The following CASD1 variants were observed in gnomAD, a reference collection of about 807,000 sequenced individuals.
CASD1 encodes CAS1 domain sialic acid O acetyltransferase 1.
CASD1 carries 41 observed loss-of-function variants against 100.0 expected under a neutral mutation model. The observed-to-expected ratio is 0.41, with a 90% CI of 0.32 to 0.53. CASD1 has a LOEUF of 0.53. Among genes scored for constraint, CASD1 ranks in the 20% least tolerant of loss-of-function variants. The pLI, the probability that CASD1 is intolerant of heterozygous loss-of-function variation, is 0.25. For synonymous variants in CASD1, 321 were observed against 315.6 expected (o/e 1.02, Z -0.18); for missense variants, 774 against 948.7 (o/e 0.82, Z 2.42).
chr7:94,598,607 G>T, the CASD1 span: 1 of 651,732 alleles, frequency 1.5e-6, no homozygotes, highest in South Asian at 1.8e-5. Flanking sequence ...AAAAGTAATT[G>T]TATTGTATAT....
the CASD1 span, chr7:94,630,002 A>C: frequency 7.8e-6 from 6 of 769,490 alleles, no homozygotes; most frequent in East Asian, 8.5e-5. Context: ...ATTTGTTTTA[A>C]ATGGAAGTGA....
intron 1 of CASD1, among the ~76,000 whole-genome samples, chr7:94,516,727 G>T (rs1252189391): frequency 6.6e-6 from 1 of 151,482 alleles, no homozygotes; most frequent in African/African-American, 2.4e-5. Flanking sequence ...CTAATGTACA[G>T]TAAAATATCC....
the CASD1 span, among the ~76,000 whole-genome samples, chr7:94,564,497 G>A: frequency 6.6e-6 from 1 of 152,192 alleles, no homozygotes; most frequent in African/African-American, 2.4e-5. Flanking sequence ...CATCCTCTAT[G>A]ATAGCTCTTG....
chr7:94,632,646 A>C, the CASD1 span, among the ~76,000 whole-genome samples: 13 of 152,200 alleles, frequency 8.5e-5, no homozygotes, highest in Admixed American at 6.6e-4. Flanking sequence ...TAAAAATAAT[A>C]CTTCCTTTCT....
chr7:94,552,261 A>T (rs1795986164), intron 15 of CASD1, 89 bp from the exon 16 acceptor site: 2 of 853,536 alleles, frequency 2.3e-6, no homozygotes, highest in Admixed American at 4.8e-5. Context: ...TAATGTTATA[A>T]ATAAAGAACT....
At chr7:94,563,672 C>T in the CASD1 span, among the ~76,000 whole-genome samples, 57 of 151,942 alleles carry the variant, frequency 3.8e-4, no homozygotes, top group Non-Finnish European at 5.1e-4. Flanking sequence ...CATTTAGCCC[C>T]CCTCCCCCAC....
At chr7:94,601,442 T>TAAAAAAA in the CASD1 span, among the ~76,000 whole-genome samples, 1 of 34,430 alleles carries the variant, frequency 2.9e-5, no homozygotes, top group Non-Finnish European at 4.3e-5. Flanking sequence ...TATCCCAGTA[T>TAAAAAAA]CAAAAAAAAA....
In CASD1 at chr7:94,528,245, A is replaced by T. The variant is rs766251640; in HGVS notation, c.454A>T (p.Thr152Ser). Residue 152 changes from threonine to serine, a missense_variant, in exon 5 of 18, where the codon ACT becomes TCT. By Grantham distance (58) the Thr-to-Ser change is moderately conservative (BLOSUM62 1). Around this residue, in one of 5 missense-constraint regions of CASD1, gnomAD observed 453 missense variants for 532.6 expected, o/e 0.85. Transcript: ENST00000297273. ...GSMKQCIKVW[T>S]EDSIAKPHVI... ...TATGAAACAGTGTATCAAAGTGTGG[A>T]CTGAGGTCTGTATTTAAAAAACATA... The T allele has an allele frequency of 4.4e-6, 7 of 1,586,380 alleles. No individual in the cohort carries two copies. The South Asian group carries it at 8.2e-5, about 18-fold the overall frequency.
chr7:94,600,624 T>G, the CASD1 span: 1 of 1,545,140 alleles, frequency 6.5e-7, no homozygotes, highest in Non-Finnish European at 8.9e-7. Flanking sequence ...TCTAATTATC[T>G]TATTAGTTTT....
intron 1 of CASD1, among the ~76,000 whole-genome samples, chr7:94,512,710 T>G (rs572681236): frequency 6.4e-4 from 97 of 152,366 alleles, no homozygotes; most frequent in African/African-American, 2.2e-3. Context: ...TTTTAACATC[T>G]TTGTAATCAG....
the CASD1 span, among the ~76,000 whole-genome samples, chr7:94,562,878 T>C: frequency 2.6e-5 from 4 of 152,176 alleles, no homozygotes; most frequent in African/African-American, 9.7e-5. Flanking sequence ...CCTACTGGGA[T>C]GTAGTCTCAG....
the CASD1 span, chr7:94,599,683 A>G: frequency 5.0e-6 from 8 of 1,608,822 alleles, no homozygotes; most frequent in African/African-American, 1.1e-4. Context: ...AATAACAGGA[A>G]AGAAGACACT....
intron 10 of CASD1, among the ~76,000 whole-genome samples, chr7:94,543,420 G>A (rs987352247): frequency 1.3e-5 from 2 of 152,100 alleles, no homozygotes; most frequent in African/African-American, 2.4e-5. Flanking sequence ...TTGGGAGGCC[G>A]AGGCGGGTAG....
chr7:94,604,058 T>C, the CASD1 span, among the ~76,000 whole-genome samples: 4 of 152,098 alleles, frequency 2.6e-5, no homozygotes, highest in African/African-American at 9.7e-5. Context: ...GGTAAAACTA[T>C]TGTTTGGTAA....
chr7:94,531,322 G>A (rs1794839161), intron 5 of CASD1, among the ~76,000 whole-genome samples: 1 of 152,062 alleles, frequency 6.6e-6, no homozygotes, highest in African/African-American at 2.4e-5. Context: ...AGAAGAATAG[G>A]GACATATTTT....
chr7:94,561,722 A>G (rs1796342791), downstream of CASD1, among the ~76,000 whole-genome samples: 1 of 152,110 alleles, frequency 6.6e-6, no homozygotes, highest in African/African-American at 2.4e-5. Context: ...ATGTCTCATT[A>G]AGACAGTTTT....
At chr7:94,605,595 T>C in the CASD1 span, among the ~76,000 whole-genome samples, 1 of 152,110 alleles carries the variant, frequency 6.6e-6, no homozygotes, top group East Asian at 1.9e-4. Context: ...TAGTGTAGTG[T>C]TATTTGAAAG....
intron 10 of CASD1, among the ~76,000 whole-genome samples, chr7:94,539,261 G>A (rs1181484986): frequency 2.0e-5 from 3 of 151,952 alleles, no homozygotes; most frequent in African/African-American, 7.3e-5. Context: ...AAAAGATAAG[G>A]CAATAATTGC....
At chr7:94,565,640 A>G in the CASD1 span, among the ~76,000 whole-genome samples, 1 of 152,194 alleles carries the variant, frequency 6.6e-6, no homozygotes, top group South Asian at 2.1e-4. Flanking sequence ...CCACTAATGG[A>G]AATTTCAGCA....
Sources: gnomAD v4.1 joint callset for allele counts (sites outside exome capture counted in the v4.1 genomes callset) on GRCh38, gnomAD v4.1.1 for gene constraint, gnomAD v4.1.1 regional missense constraint, MANE v1.5 for transcripts, NCBI Gene and HGNC (gene_info 2026-07-23, HGNC 2026-07-21) for gene names.